The following MYT1L variants were observed in gnomAD, a reference collection of about 807,000 sequenced individuals.
The protein encoded by MYT1L is myelin transcription factor 1-like protein.
A neutral mutation model predicts 126.7 loss-of-function variants in MYT1L; 12 were observed. The observed-to-expected ratio is 0.09, with a 90% CI of 0.06 to 0.15. The LOEUF (loss-of-function observed/expected upper bound fraction) is 0.15, where lower values mean the gene tolerates loss of function less well. MYT1L is among the 10% of genes least tolerant of loss of function. The pLI is 1.00. For synonymous variants in MYT1L, 541 were observed against 604.2 expected, an observed-to-expected ratio of 0.90 and a Z score of 1.53; for missense variants, 979 against 1,585.2, an observed-to-expected ratio of 0.62 and a Z score of 6.49.
chr2:2,252,150 C>G (rs957311210), intron 2 of MYT1L, among the ~76,000 whole-genome samples: 18 of 152,238 alleles, frequency 1.2e-4, no homozygotes, highest in Middle Eastern at 6.8e-3. Context: ...TCTCTGCTGC[C>G]CTGTCTCAGC....
intron 3 of MYT1L, among the ~76,000 whole-genome samples, chr2:2,087,765 A>C (rs1575081602): frequency 6.6e-6 from 1 of 152,354 alleles, no homozygotes; most frequent in East Asian, 1.9e-4. Flanking sequence ...AAGAGCTACT[A>C]CAAATAGATC....
chr2:1,886,473 C>T, intron 18 of MYT1L, 66 bp downstream of exon 18: 1 of 1,198,826 alleles, frequency 8.3e-7, no homozygotes, highest in South Asian at 1.7e-5. Context: ...AATGACATAT[C>T]ATTTTTTTTT....
rs1365107959 is a variant in MYT1L, at chr2:1,852,746, A to G, written c.2712-1043T>C. Among the ~76,000 whole-genome samples the G allele has an allele frequency of 6.6e-6, 1 of 152,230 alleles. No homozygotes were observed. Among genetic ancestry groups the G allele is most frequent in the Non-Finnish European group, 1.5e-5 (1 of 68,044 alleles). ...AGGAGAAAGCAACTTAGTGAGCAAT[A>G]TTACACCTAGTAGGAAGCATCAAAG... On this transcript the variant is annotated intron_variant, in intron 18 of 24. Transcript: ENST00000647738. This position sits in a 1 kb window ranked among gnomAD's most constrained non-coding sequence, Gnocchi z 4.0.
chr2:2,321,092 T>C (rs1209907069), intron 1 of MYT1L, among the ~76,000 whole-genome samples: 1 of 152,242 alleles, frequency 6.6e-6, no homozygotes, highest in African/African-American at 2.4e-5. Flanking sequence ...CCTGGGGTTG[T>C]TGAAAATCTG....
Position 2,224,081 on chromosome 2 carries a change from C to T in MYT1L, c.-420-51093G>A. Among the ~76,000 whole-genome samples the T allele has an allele frequency of 6.6e-6, 1 of 152,140 alleles. No homozygotes were observed. Among genetic ancestry groups the T allele is most frequent in the East Asian group, 1.9e-4 (1 of 5,188 alleles). On this transcript the variant is annotated intron_variant, in intron 2 of 24. Transcript: ENST00000647738. The surrounding 1 kb of genome is among the most constrained non-coding windows in gnomAD (Gnocchi z 4.0). ...AAGGCTCATCTAAGCATCTGAAAGA[C>T]AAAATAATGAATTGGTGGGGAGTTA...
rs79248598 is a variant in MYT1L, at chr2:1,976,036, T to A, written c.152+3129A>T. Among the ~76,000 whole-genome samples the A allele has an allele frequency of 5.4e-3, 821 of 151,580 alleles. 7 individuals carry two copies. The highest frequency in any genetic ancestry group is 0.019 in the African/African-American group (788 of 41,218). On this transcript the variant is annotated intron_variant, in intron 8 of 24. Coordinates refer to ENST00000647738, the MANE Select transcript of MYT1L (RefSeq NM_001303052.2). ...ACTGAAATACAACTTTTTACTTGGC[T>A]ATTGCTGATGCAGTGTATGAGCAAA...
At chr2:2,195,973 G>A (rs1241420714) in intron 2 of MYT1L, among the ~76,000 whole-genome samples, 2 of 152,074 alleles carry the variant, frequency 1.3e-5, no homozygotes, top group Non-Finnish European at 2.9e-5. Flanking sequence ...AGGAGCAAAA[G>A]CAGTATTTAA....
intron 5 of MYT1L, among the ~76,000 whole-genome samples, chr2:1,981,776 T>C (rs1192073733): frequency 6.6e-6 from 1 of 152,124 alleles, no homozygotes; most frequent in Admixed American, 6.6e-5. Context: ...GCAGTGCAGT[T>C]GGGAGCAAGC....
At chr2:1,797,857 G>A (rs561833369) in intron 23 of MYT1L, among the ~76,000 whole-genome samples, 84 of 149,904 alleles carry the variant, frequency 5.6e-4, no homozygotes, top group Non-Finnish European at 6.5e-4. Flanking sequence ...CGGCACAGGC[G>A]CGGCGGTCTC....
intron 4 of MYT1L, among the ~76,000 whole-genome samples, chr2:2,019,148 A>G (rs1259025635): frequency 1.3e-5 from 2 of 152,148 alleles, no homozygotes; most frequent in Non-Finnish European, 2.9e-5. Flanking sequence ...CTTGAATTGT[A>G]GCTCTCATAA....
rs528602434 is a variant in MYT1L, at chr2:1,915,019, A to C, written c.1618+2186T>G. Reference sequence around the variant, plus strand: ...ATGCTGTGGAGTCCCCACCGTGCAGAGCCCCGGCCTCGTGCAGAGCCCCGG... The same window carrying C: ...ATGCTGTGGAGTCCCCACCGTGCAGCGCCCCGGCCTCGTGCAGAGCCCCGG... On this transcript the variant is annotated intron_variant, in intron 11 of 24. Coordinates refer to ENST00000647738, the MANE Select transcript of MYT1L (RefSeq NM_001303052.2). 1.3e-4 allele frequency among the ~76,000 whole-genome samples: 20 copies of C among 151,940 alleles called. No homozygotes were observed. In the South Asian group the frequency reaches 4.2e-3, roughly 32 times the overall value.
At chr2:1,867,535 G>T (rs2045739241) in intron 18 of MYT1L, among the ~76,000 whole-genome samples, 1 of 152,168 alleles carries the variant, frequency 6.6e-6, no homozygotes, top group Non-Finnish European at 1.5e-5. Flanking sequence ...GGGAGAGGAA[G>T]CTCATCTGTC....
At chr2:1,861,923 T>G (rs2044709674) in intron 18 of MYT1L, among the ~76,000 whole-genome samples, 3 of 152,270 alleles carry the variant, frequency 2.0e-5, no homozygotes, top group Admixed American at 6.5e-5. Flanking sequence ...TGGATCCTCC[T>G]GCAGCCTGTG....
At chr2:1,896,472 G>A (rs377020369) in intron 14 of MYT1L, among the ~76,000 whole-genome samples, 12 of 152,004 alleles carry the variant, frequency 7.9e-5, no homozygotes, top group African/African-American at 2.2e-4. Flanking sequence ...AAGAAAATGC[G>A]GTACATAGAC....
intron 2 of MYT1L, among the ~76,000 whole-genome samples, chr2:2,177,245 T>C (rs538857424): frequency 6.6e-6 from 1 of 152,378 alleles, no homozygotes; most frequent in East Asian, 1.9e-4. Flanking sequence ...TTCCAGTTCC[T>C]GGTATCTACC....
chr2:2,210,840 T>G (rs2093480317), intron 2 of MYT1L, among the ~76,000 whole-genome samples: 1 of 152,198 alleles, frequency 6.6e-6, no homozygotes, highest in Non-Finnish European at 1.5e-5. Context: ...TTAACAATAT[T>G]GATTCTTCCA....
intron 4 of MYT1L, among the ~76,000 whole-genome samples, chr2:2,022,856 C>T (rs2065170808): frequency 1.3e-5 from 2 of 152,316 alleles, no homozygotes; most frequent in South Asian, 2.1e-4. Context: ...TGCCTACCTG[C>T]GACCAAATAC....
chr2:2,194,679 T>G (rs893924922), intron 2 of MYT1L, among the ~76,000 whole-genome samples: 1 of 152,150 alleles, frequency 6.6e-6, no homozygotes, highest in Admixed American at 6.5e-5. Context: ...GTTTCCCAGC[T>G]GGCTGTGAGA....
At chr2:1,864,466 C>T (rs2045182299) in intron 18 of MYT1L, among the ~76,000 whole-genome samples, 1 of 152,210 alleles carries the variant, frequency 6.6e-6, no homozygotes, top group African/African-American at 2.4e-5. Context: ...TGTCTGCAGC[C>T]CTGTCTGTCC....
Sources: allele counts gnomAD v4.1 joint callset (sites outside exome capture counted in the v4.1 genomes callset), GRCh38; gene constraint gnomAD v4.1.1; non-coding constraint Gnocchi (gnomAD v3.1); transcripts MANE v1.5; gene names NCBI Gene and HGNC (gene_info 2026-07-23, HGNC 2026-07-21).